The following GIN1 variants were observed in gnomAD, a reference collection of about 807,000 sequenced individuals.
GIN1 encodes gypsy retrotransposon integrase-like protein 1.
GIN1 carries 41 observed loss-of-function variants against 51.4 expected under a neutral mutation model. That is an observed-to-expected ratio of 0.80 (90% CI 0.62 to 1.04). The LOEUF is 1.04. Ranked by LOEUF, GIN1 falls within the 50% of genes least tolerant of loss-of-function variation. The pLI, the probability that GIN1 is intolerant of heterozygous loss-of-function variation, is 0.00. For synonymous variants in GIN1, 222 were observed against 206.5 expected (o/e 1.07, Z -0.64); for missense variants, 610 against 612.4 (o/e 1.00, Z 0.04).
chr5:103,108,140 G>C (rs1787777201), intron 2 of GIN1, among the ~76,000 whole-genome samples: 1 of 152,030 alleles, frequency 6.6e-6, no homozygotes, highest in Non-Finnish European at 1.5e-5. Flanking sequence ...TGGGGTTCAA[G>C]GGGACATGAT....
chr5:103,115,576 A>C (rs1788010244), intron 1 of GIN1, among the ~76,000 whole-genome samples: 1 of 152,162 alleles, frequency 6.6e-6, no homozygotes, highest in Non-Finnish European at 1.5e-5. Context: ...CAGTTACACA[A>C]AATGAAAAGA....
chr5:103,100,560 T>C (rs1562329913), intron 4 of GIN1, among the ~76,000 whole-genome samples: 2 of 151,056 alleles, frequency 1.3e-5, no homozygotes, highest in East Asian at 1.9e-4. Context: ...TCCAGTTAAT[T>C]AAAAATTTTT....
In GIN1 at chr5:103,087,689, T is replaced by G. The variant is rs1787113206; in HGVS notation, c.*209A>C. 1 of 338,638 alleles carries G rather than the reference T, an allele frequency of 3.0e-6. No individual in the cohort carries two copies. The highest frequency in any genetic ancestry group is 5.2e-6 in the Non-Finnish European group (1 of 190,492). The allele number at this position is 338,638 out of a possible 1,614,324, so 21.0% of individuals were successfully genotyped here. ...TCTTTTTAGAAGAAAAAGTGAATTC[T>G]ATATATTACATGCTTCCTTTGCCTT... On this transcript the variant is annotated 3_prime_UTR_variant, in exon 8 of 8. Coordinates refer to ENST00000399004, the MANE Select transcript of GIN1 (RefSeq NM_017676.2).
intron 4 of GIN1, among the ~76,000 whole-genome samples, chr5:103,102,017 T>C (rs566309437): frequency 6.6e-6 from 1 of 152,346 alleles, no homozygotes; most frequent in Admixed American, 6.5e-5. Context: ...TTGATTACTT[T>C]ACCACATAAA....
intron 1 of GIN1, among the ~76,000 whole-genome samples, chr5:103,118,427 A>G (rs1359028765): frequency 6.6e-6 from 1 of 152,174 alleles, no homozygotes; most frequent in Non-Finnish European, 1.5e-5. Flanking sequence ...TTTTCCCAAA[A>G]TCTTCACCTA....
chr5:103,097,510 C>T lies in GIN1; in HGVS notation c.832-20G>A, dbSNP rs199639404. ...AGGTTCCTATTTTAAAGAAAATAAA[C>T]GTCAATTTTGTAATAAAACATTTAT... On this transcript the variant is annotated intron_variant, in intron 5 of 7. Coordinates refer to ENST00000399004, the MANE Select transcript of GIN1 (RefSeq NM_017676.2). 184 of 1,501,552 alleles carry T rather than the reference C, an allele frequency of 1.2e-4. No homozygotes were observed. Among genetic ancestry groups the T allele is most frequent in the East Asian group, 5.4e-4 (24 of 44,354 alleles). 93.0% of individuals were successfully genotyped at this position (1,501,552 alleles called of 1,614,324 possible).
chr5:103,108,866 C>T (rs1554196626), intron 1 of GIN1, among the ~76,000 whole-genome samples, 152 bp from the exon 2 acceptor site: 1 of 151,882 alleles, frequency 6.6e-6, no homozygotes, highest in Non-Finnish European at 1.5e-5. Context: ...AGGAAAGGAA[C>T]AGCGATGTAT....
intron 7 of GIN1, among the ~76,000 whole-genome samples, chr5:103,091,637 G>A (rs782460259): frequency 1.3e-5 from 2 of 152,020 alleles, no homozygotes; most frequent in African/African-American, 4.8e-5. Context: ...TTTCAGGAAG[G>A]TATTAATCAG....
intron 2 of GIN1, 111 bp downstream of exon 2, chr5:103,108,458 T>C (rs1439051063): frequency 2.9e-6 from 2 of 691,140 alleles, no homozygotes; most frequent in Non-Finnish European, 4.9e-6. Context: ...TCAATTCAAC[T>C]GGTAATTGTT....
At chr5:103,089,445 T>TTCATTCATTCATTCATTCAC (rs1562323491) in intron 7 of GIN1, among the ~76,000 whole-genome samples, 3 of 152,018 alleles carry the variant, frequency 2.0e-5, no homozygotes, top group Non-Finnish European at 4.4e-5. Flanking sequence ...TTTTCATTCA[T>TTCATTCATTCATTCATTCAC]TCATTCATTC....
Position 103,104,551 on chromosome 5 carries a change from A to T in GIN1, c.629T>A (p.Phe210Tyr), listed in dbSNP as rs782333575. ...GTTTATTTGTCTTACCTGTTGAATGAATTCATCTCTTTGGTCCATTATTAT... is the reference window on the plus strand; with the variant it reads ...GTTTATTTGTCTTACCTGTTGAATGTATTCATCTCTTTGGTCCATTATTAT... ...QKIIMDQRDE[F>Y]IQQINIELYR... The change falls in exon 4 of 8, where the codon TTC (phenylalanine) becomes TAC (tyrosine). Residue 210 changes from phenylalanine (F) to tyrosine (Y), a missense_variant. Coordinates refer to ENST00000399004, the MANE Select transcript of GIN1 (RefSeq NM_017676.2). 3.3e-6 allele frequency: 5 copies of T among 1,499,250 alleles called. No individual in the cohort carries two copies. The Admixed American group carries it at 5.2e-5, about 15-fold the overall frequency. The allele number at this position is 1,499,250 out of a possible 1,614,324, so 92.9% of individuals were successfully genotyped here. A position where few individuals can be genotyped will look rare whatever the true frequency, so the allele number is the denominator to read the frequency against.
At chr5:103,105,200 T>C (rs907351311) in intron 3 of GIN1, among the ~76,000 whole-genome samples, 1 of 152,102 alleles carries the variant, frequency 6.6e-6, no homozygotes, top group Non-Finnish European at 1.5e-5. Flanking sequence ...TTCTTGTATA[T>C]GTGAGTTTCA....
At chr5:103,091,925 C>T (rs1467087114) in intron 7 of GIN1, among the ~76,000 whole-genome samples, 3 of 151,440 alleles carry the variant, frequency 2.0e-5, no homozygotes, top group African/African-American at 4.9e-5. Flanking sequence ...CTCAGGAGGC[C>T]GAGGTAGGAG....
At chr5:103,098,403 C>T (rs2151466549) in intron 4 of GIN1, among the ~76,000 whole-genome samples, 1 of 152,162 alleles carries the variant, frequency 6.6e-6, no homozygotes, top group South Asian at 2.1e-4. Flanking sequence ...AGATTAAGTG[C>T]CTTGCCAAAT....
chr5:103,091,235 T>C (rs1554194508), intron 7 of GIN1, among the ~76,000 whole-genome samples: 1 of 152,200 alleles, frequency 6.6e-6, no homozygotes, highest in African/African-American at 2.4e-5. Context: ...TTGGATACAC[T>C]GGATTATATA....
At chr5:103,109,692 G>A (rs1489477204) in intron 1 of GIN1, among the ~76,000 whole-genome samples, 1 of 152,098 alleles carries the variant, frequency 6.6e-6, no homozygotes. Context: ...AAGACAATCA[G>A]TTTGTTCTAA....
At chr5:103,092,302 G>A (rs1178615592) in intron 7 of GIN1, among the ~76,000 whole-genome samples, 1 of 151,970 alleles carries the variant, frequency 6.6e-6, no homozygotes, top group Non-Finnish European at 1.5e-5. Flanking sequence ...ACTGTGCCCA[G>A]CCTTAATGTT....
At chr5:103,112,250 A>G (rs1203895072) in intron 1 of GIN1, among the ~76,000 whole-genome samples, 2 of 152,142 alleles carry the variant, frequency 1.3e-5, no homozygotes, top group African/African-American at 2.4e-5. Flanking sequence ...ACAGATTTTC[A>G]TATTTCACAA....
At chr5:103,093,355 A>T (rs1203033084) in intron 7 of GIN1, among the ~76,000 whole-genome samples, 2 of 152,170 alleles carry the variant, frequency 1.3e-5, no homozygotes, top group African/African-American at 4.8e-5. Flanking sequence ...GAAGGACTCA[A>T]CCCACTATTG....
Sources: allele counts gnomAD v4.1 joint callset (sites outside exome capture counted in the v4.1 genomes callset), GRCh38; gene constraint gnomAD v4.1.1; transcripts MANE v1.5; gene names NCBI Gene and HGNC (gene_info 2026-07-23, HGNC 2026-07-21).